Variants in TSEN15 observed in about 807,000 individuals in gnomAD.
The protein encoded by TSEN15 is tRNA splicing endonuclease subunit 15, also known as tRNA-splicing endonuclease subunit Sen15.
Under a neutral mutation model 20.5 loss-of-function variants are expected in TSEN15, and 10 were observed. That is an observed-to-expected ratio of 0.49 (90% CI 0.30 to 0.83). The LOEUF (loss-of-function observed/expected upper bound fraction) is 0.83. Among genes scored for constraint, TSEN15 ranks in the 40% least tolerant of loss-of-function variants. The probability of loss-of-function intolerance (pLI) is 0.06; values close to 1 mark genes in which losing one functional copy is unlikely to be tolerated. For synonymous variants in TSEN15, 72 were observed against 80.1 expected (o/e 0.90, Z 0.54); for missense variants, 180 against 218.6 (o/e 0.82, Z 1.11).
chr1:184,095,631 TTCTCTCTC>T (rs56022269), intron 3 of TSEN15: 119,635 of 383,428 alleles, frequency 0.31, 8,571 homozygotes, highest in East Asian at 0.41. Context: ...TCTCTCCCCC[TTCTCTCTC>T]TCTCTCTCTC....
chr1:184,076,326 G>A (rs1279190463), downstream of TSEN15, among the ~76,000 whole-genome samples: 1 of 151,968 alleles, frequency 6.6e-6, no homozygotes, highest in Non-Finnish European at 1.5e-5. Flanking sequence ...TGTTACTATT[G>A]TAATTGTTTT....
chr1:184,075,810 A>G (rs2102898800), downstream of TSEN15, among the ~76,000 whole-genome samples: 1 of 151,924 alleles, frequency 6.6e-6, no homozygotes, highest in Non-Finnish European at 1.5e-5. Flanking sequence ...TAAATATGTG[A>G]CTTGATTCAT....
intron 1 of TSEN15, among the ~76,000 whole-genome samples, chr1:184,052,844 C>G (rs957029689): frequency 2.6e-5 from 4 of 152,186 alleles, no homozygotes; most frequent in Non-Finnish European, 5.9e-5. Context: ...CGCATGAACT[C>G]AAAATCAGAC....
At chr1:184,055,614 G>T (rs1458482144) in intron 3 of TSEN15, among the ~76,000 whole-genome samples, 1 of 152,058 alleles carries the variant, frequency 6.6e-6, no homozygotes, top group African/African-American at 2.4e-5. Flanking sequence ...TGAAAAGCAT[G>T]ATTAACATGC....
chr1:184,072,935 G>A lies in TSEN15; in HGVS notation c.*88G>A, dbSNP rs1169543443. The A allele has an allele frequency of 1.7e-5, 23 of 1,335,002 alleles. No homozygotes were observed. In the East Asian group the frequency reaches 5.5e-4, roughly 32 times the overall value. 82.7% of individuals were successfully genotyped at this position (1,335,002 alleles called of 1,614,324 possible). ...CTTCATCTTTTATCTCAGAAATAGG[G>A]TTGACGTACATAGTGAGGGTTGACT... On this transcript the variant is annotated 3_prime_UTR_variant, in exon 5 of 5. Coordinates refer to ENST00000645668, the MANE Select transcript of TSEN15 (RefSeq NM_052965.4).
chr1:184,065,305 A>G (rs549159755), intron 3 of TSEN15, among the ~76,000 whole-genome samples: 68 of 152,252 alleles, frequency 4.5e-4, no homozygotes, highest in African/African-American at 1.4e-3. Flanking sequence ...TTCCCCTATT[A>G]TTAACATCTT....
intron 3 of TSEN15, among the ~76,000 whole-genome samples, chr1:184,060,378 A>G (rs2102883161): frequency 6.6e-6 from 1 of 152,352 alleles, no homozygotes; most frequent in South Asian, 2.1e-4. Context: ...CACTTGTGCC[A>G]GGCACCGTTG....
intron 3 of TSEN15, among the ~76,000 whole-genome samples, chr1:184,086,475 T>A (rs1425921485): frequency 6.6e-6 from 1 of 152,144 alleles, no homozygotes. Flanking sequence ...AAAACAATAG[T>A]TTTTGTGGTT....
At chr1:184,079,003 A>G (rs769646800), downstream of TSEN15, among the ~76,000 whole-genome samples, 2 of 152,124 alleles carry the variant, frequency 1.3e-5, no homozygotes, top group Non-Finnish European at 2.9e-5. Flanking sequence ...GAAGCTCTTT[A>G]TTCATCTGCC....
chr1:184,088,771 A>T (rs1028028291), intron 3 of TSEN15, among the ~76,000 whole-genome samples: 2 of 151,642 alleles, frequency 1.3e-5, no homozygotes, highest in African/African-American at 4.8e-5. Context: ...TTTATTCTCT[A>T]AGAAACAGTA....
intron 3 of TSEN15, 30 bp from the exon 4 acceptor site, chr1:184,072,127 C>T (rs1384721982): frequency 6.2e-7 from 1 of 1,608,336 alleles, no homozygotes; most frequent in Non-Finnish European, 8.5e-7. Context: ...GTGACCGCAA[C>T]TCCTAAGTAT....
At position 184,072,148 on chromosome 1, in the gene TSEN15, T is replaced by C. The variant is rs2102895147; in HGVS notation, c.354-9T>C. 1 of 1,612,720 alleles carries C rather than the reference T, an allele frequency of 6.2e-7. No homozygotes were observed. Among genetic ancestry groups the C allele is most frequent in the Non-Finnish European group, 8.5e-7 (1 of 1,179,302 alleles). On this transcript the variant is annotated splice_polypyrimidine_tract_variant and intron_variant, in intron 3 of 4. Transcript: ENST00000645668. Reference sequence around the variant, plus strand: ...GCAACTCCTAAGTATATTGTGACTTTATTTTCAGGATAAGGGAGATCTTGA... The same window carrying C: ...GCAACTCCTAAGTATATTGTGACTTCATTTTCAGGATAAGGGAGATCTTGA...
At chr1:184,054,175 A>C (rs951473848) in intron 1 of TSEN15, among the ~76,000 whole-genome samples, 179 bp from the exon 2 acceptor site, 4 of 152,214 alleles carry the variant, frequency 2.6e-5, no homozygotes, top group Non-Finnish European at 5.9e-5. Context: ...TTAAGTGTGC[A>C]TGTATTTAAC....
intron 3 of TSEN15, among the ~76,000 whole-genome samples, chr1:184,091,009 T>C (rs982036459): frequency 1.3e-5 from 2 of 152,200 alleles, no homozygotes; most frequent in African/African-American, 4.8e-5. Flanking sequence ...GTCTAAACAC[T>C]GTAATTATTT....
chr1:184,064,423 T>C (rs1650572618), intron 3 of TSEN15, among the ~76,000 whole-genome samples: 1 of 151,912 alleles, frequency 6.6e-6, no homozygotes, highest in Non-Finnish European at 1.5e-5. Flanking sequence ...CTGCAGTTGG[T>C]GAGAAAGCCC....
intron 3 of TSEN15, among the ~76,000 whole-genome samples, chr1:184,067,941 AATATATATATATATATAT>A (rs58463457): frequency 3.9e-4 from 37 of 95,602 alleles, no homozygotes; most frequent in Admixed American, 1.4e-4. Flanking sequence ...AAAAAAAAAA[AATATATATATATATATAT>A]ATATATATAT....
chr1:184,057,494 A>C (rs746924429), intron 3 of TSEN15, among the ~76,000 whole-genome samples: 2 of 152,194 alleles, frequency 1.3e-5, no homozygotes, highest in Non-Finnish European at 2.9e-5. Flanking sequence ...CAGACTATAA[A>C]GTCTTAAGAC....
chr1:184,091,116 T>TA (rs144203542), intron 3 of TSEN15, among the ~76,000 whole-genome samples: 1,664 of 152,220 alleles, frequency 0.011, 27 homozygotes, highest in African/African-American at 0.038. Flanking sequence ...GTCGGATACT[T>TA]ACTTTTCAAA....
chr1:184,080,178 C>T (rs1293005770), intron 3 of TSEN15, among the ~76,000 whole-genome samples: 1 of 152,186 alleles, frequency 6.6e-6, no homozygotes, highest in Non-Finnish European at 1.5e-5. Flanking sequence ...ACAAGGACAA[C>T]ATTATATATA....
Sources: gnomAD v4.1 joint callset for allele counts (sites outside exome capture counted in the v4.1 genomes callset) on GRCh38, gnomAD v4.1.1 for gene constraint, MANE v1.5 for transcripts, NCBI Gene and HGNC (gene_info 2026-07-23, HGNC 2026-07-21) for gene names.